The following RAB1B variants were observed in gnomAD, a reference collection of about 807,000 sequenced individuals.
RAB1B encodes the protein RAB1B, member RAS oncogene family, also known as ras-related protein Rab-1B.
In RAB1B, 10 loss-of-function variants were observed where a neutral mutation model predicts 24.8. The ratio of observed to expected loss-of-function variants is 0.40; its 90% confidence interval spans 0.25 to 0.68. RAB1B has a LOEUF of 0.68. Among genes scored for constraint, RAB1B ranks in the 30% least tolerant of loss-of-function variants. The pLI is 0.37. For missense variants in RAB1B, 154 were observed against 271.2 expected, an observed-to-expected ratio of 0.57 and a Z score of 3.04; for synonymous variants, 99 against 111.7, an observed-to-expected ratio of 0.89 and a Z score of 0.72.
chr11:66,274,100 A>G (rs1287597259), intron 4 of RAB1B, among the ~76,000 whole-genome samples: 2 of 152,042 alleles, frequency 1.3e-5, no homozygotes, highest in Non-Finnish European at 2.9e-5. Flanking sequence ...TCAGTCTCCT[A>G]AGTCACTGGG....
At chr11:66,269,594 C>T (rs1400117848) in intron 1 of RAB1B, among the ~76,000 whole-genome samples, 5 of 152,180 alleles carry the variant, frequency 3.3e-5, no homozygotes, top group Non-Finnish European at 5.9e-5. Context: ...GGGTGAAGCT[C>T]TGAGCTGGAT....
At chr11:66,270,005 G>C (rs1379426833) in intron 1 of RAB1B, 1 of 152,048 alleles carries the variant, frequency 6.6e-6, no homozygotes, top group Non-Finnish European at 1.5e-5. Flanking sequence ...CTCCTGAGTA[G>C]CTGGGAATAC....
At chr11:66,276,019 C>T (rs1857137341) in intron 5 of RAB1B, 25 bp from the exon 6 acceptor site, 4 of 1,609,128 alleles carry the variant, frequency 2.5e-6, no homozygotes, top group Middle Eastern at 1.7e-4. Context: ...TCTCTCCCCT[C>T]CTCTTCTCTC....
rs1857169230 is a variant in RAB1B, at chr11:66,277,348, G to C, written c.*1110G>C. On this transcript the variant is annotated 3_prime_UTR_variant, in exon 6 of 6. Coordinates refer to ENST00000311481, the MANE Select transcript of RAB1B (RefSeq NM_030981.3). The stretch of plus-strand genomic sequence containing the variant: ...ATTTAAGTCCCTGGGCTGCCCCCTT[G>C]GGGTGCCCCCCGCTCCCAGGTTCCC... The C allele has an allele frequency of 6.5e-6, 1 of 152,694 alleles. No homozygotes were observed. The highest frequency in any genetic ancestry group is 1.5e-5 in the Non-Finnish European group (1 of 68,082). The allele number at this position is 152,694 out of a possible 1,614,324, so 9.5% of individuals were successfully genotyped here. A position where few individuals can be genotyped will look rare whatever the true frequency, so the allele number is the denominator to read the frequency against.
intron 4 of RAB1B, 70 bp from the exon 5 acceptor site, chr11:66,275,734 G>T: frequency 2.7e-6 from 4 of 1,507,282 alleles, no homozygotes; most frequent in Non-Finnish European, 3.6e-6. Context: ...CCTCAGAGAA[G>T]GTCTTCTCCA....
intron 1 of RAB1B, 29 bp downstream of exon 1, chr11:66,268,722 C>T: frequency 6.4e-7 from 1 of 1,557,214 alleles, no homozygotes; most frequent in African/African-American, 1.4e-5. Flanking sequence ...CGCCGTCCAG[C>T]GCAGCCTCGA....
chr11:66,274,701 A>G (rs886239763), intron 4 of RAB1B, among the ~76,000 whole-genome samples: 5 of 132,064 alleles, frequency 3.8e-5, no homozygotes, highest in South Asian at 5.7e-4. Context: ...CCTCTCCCCA[A>G]TCCCCCCTCT....
chr11:66,274,621 C>T (rs2134865955), intron 4 of RAB1B, among the ~76,000 whole-genome samples: 2 of 152,252 alleles, frequency 1.3e-5, no homozygotes, highest in Non-Finnish European at 2.9e-5. Context: ...TTGCTTCTGG[C>T]CTAAGAAACG....
At chr11:66,276,007 C>G (rs1233653326) in intron 5 of RAB1B, 37 bp from the exon 6 acceptor site, 1 of 1,589,822 alleles carries the variant, frequency 6.3e-7, no homozygotes, top group Admixed American at 1.7e-5. Flanking sequence ...CTCCCCTCCT[C>G]TTCTCTCCCC....
In RAB1B at chr11:66,275,896, C is replaced by T. The variant is rs1187541809; in HGVS notation, c.372C>T (p.Asp124=). The change falls in exon 5 of 6, where the codon GAC becomes GAT. Residue 124 remains aspartate (D), a synonymous_variant. Coordinates refer to ENST00000311481, the MANE Select transcript of RAB1B (RefSeq NM_030981.3). ...VNKLLVGNKS[D]LTTKKVVDNT... ...AGCTCCTGGTGGGCAACAAGAGCGA[C>T]CTCACCACCAAGAAGGTGGTGGACA... 9 of 1,610,228 alleles carry T rather than the reference C, an allele frequency of 5.6e-6. No individual in the cohort carries two copies. The highest frequency in any genetic ancestry group is 6.8e-6 in the Non-Finnish European group (8 of 1,178,850).
At chr11:66,271,660 G>A (rs1857059735) in intron 1 of RAB1B, 137 bp from the exon 2 acceptor site, 1 of 623,930 alleles carries the variant, frequency 1.6e-6, no homozygotes, top group Admixed American at 2.5e-5. Context: ...GACAGAGTGA[G>A]ACCTTATTGC....
In RAB1B at chr11:66,268,666, C is replaced by G; in HGVS notation, c.-14C>G. ...AGTCGACTGGGAGCGACCGAGCGGG[C>G]CGCCGCCGCCGCCATGAACCCCGAA... On this transcript the variant is annotated 5_prime_UTR_variant, in exon 1 of 6. Transcript: ENST00000311481. 1 of 1,553,302 alleles carries G rather than the reference C, an allele frequency of 6.4e-7. No homozygotes were observed. The highest frequency in any genetic ancestry group is 1.4e-5 in the African/African-American group (1 of 73,380).
rs918447367 is a variant in RAB1B, at chr11:66,277,267, C to T, written c.*1029C>T. ...CAAGTCTTTGGTCTCCCTGAGAAGC[C>T]ATGTCCCTCGTGCTGTCTCTTGCCT... On this transcript the variant is annotated 3_prime_UTR_variant, in exon 6 of 6. Coordinates refer to ENST00000311481, the MANE Select transcript of RAB1B (RefSeq NM_030981.3). 7 of 152,978 alleles carry T rather than the reference C, an allele frequency of 4.6e-5. No individual in the cohort carries two copies. Among genetic ancestry groups the T allele is most frequent in the Admixed American group, 1.3e-4 (2 of 15,312 alleles). The allele number at this position is 152,978 out of a possible 1,614,324, so 9.5% of individuals were successfully genotyped here. A position where few individuals can be genotyped will look rare whatever the true frequency, so the allele number is the denominator to read the frequency against.
chr11:66,269,094 C>G (rs1857005170), intron 1 of RAB1B, among the ~76,000 whole-genome samples: 2 of 152,086 alleles, frequency 1.3e-5, no homozygotes, highest in African/African-American at 4.8e-5. Context: ...GGCTTGGGCC[C>G]TTTAGGTCGG....
intron 1 of RAB1B, chr11:66,270,827 T>C (rs921579624): frequency 6.6e-6 from 1 of 152,312 alleles, no homozygotes; most frequent in African/African-American, 2.4e-5. Flanking sequence ...TACTGGGGAT[T>C]CCCTAAATAG....
At chr11:66,268,852 C>G (rs1010924418) in intron 1 of RAB1B, among the ~76,000 whole-genome samples, 159 bp downstream of exon 1, 1 of 137,378 alleles carries the variant, frequency 7.3e-6, no homozygotes, top group Non-Finnish European at 1.6e-5. Flanking sequence ...TCTGCCCCTC[C>G]CCCCAGGGGC....
intron 2 of RAB1B, 52 bp downstream of exon 2, chr11:66,271,921 G>C (rs11603609): frequency 4.9e-6 from 7 of 1,429,452 alleles, no homozygotes; most frequent in African/African-American, 4.2e-5. Flanking sequence ...CTGGCAGCTG[G>C]GGGGAGAAGG....
rs1488097094 is a variant in RAB1B, at chr11:66,276,782, CCT to C, written c.*548_*549del. 1 of 152,708 alleles carries C rather than the reference CCT, an allele frequency of 6.5e-6. No individual in the cohort carries two copies. Among genetic ancestry groups the C allele is most frequent in the Admixed American group, 6.6e-5 (1 of 15,218 alleles). 9.5% of individuals were successfully genotyped at this position (152,708 alleles called of 1,614,324 possible). On this transcript the variant is annotated 3_prime_UTR_variant, in exon 6 of 6. Coordinates refer to ENST00000311481, the MANE Select transcript of RAB1B (RefSeq NM_030981.3). ...CCACCCTTTCCTCTCCCCACTGCCT[CCT>C]CTCCCTTCCTACACTCCCAGCTCGA... is the stretch of plus-strand genomic sequence containing the variant.
intron 1 of RAB1B, chr11:66,270,567 A>T (rs188566165): frequency 6.6e-6 from 1 of 152,170 alleles, no homozygotes; most frequent in East Asian, 1.9e-4. Context: ...AGAGAGCGAG[A>T]CTCTGTCTCG....
Sources: gnomAD v4.1 joint callset for allele counts (sites outside exome capture counted in the v4.1 genomes callset) on GRCh38, gnomAD v4.1.1 for gene constraint, MANE v1.5 for transcripts, NCBI Gene and HGNC (gene_info 2026-07-23, HGNC 2026-07-21) for gene names.